SPSB1: variants seen among roughly 807,000 people sequenced by gnomAD.
SPSB1 encodes splA/ryanodine receptor domain and SOCS box containing 1.
In SPSB1, 8 loss-of-function variants were observed where a neutral mutation model predicts 21.2. The observed-to-expected ratio is 0.38, with a 90% CI of 0.22 to 0.68. The LOEUF is 0.68. Ranked by LOEUF, SPSB1 falls within the 30% of genes least tolerant of loss-of-function variation. The pLI is 0.53. For synonymous variants in SPSB1, 169 were observed against 161.7 expected (o/e 1.05, Z -0.34); for missense variants, 242 against 377.8 (o/e 0.64, Z 2.98).
intron 1 of SPSB1, among the ~76,000 whole-genome samples, chr1:9,330,673 C>G (rs1317139789): frequency 2.7e-5 from 4 of 150,108 alleles, no homozygotes; most frequent in African/African-American, 9.8e-5. Context: ...CCTTCCCAAA[C>G]TGATGTTAGA....
At chr1:9,311,756 A>G (rs1639524061) in intron 1 of SPSB1, among the ~76,000 whole-genome samples, 1 of 152,012 alleles carries the variant, frequency 6.6e-6, no homozygotes, top group Non-Finnish European at 1.5e-5. Flanking sequence ...ACGTGGCTTT[A>G]TCTACCACGT....
chr1:9,367,349 A>G lies in SPSB1; in HGVS notation c.695-99A>G, dbSNP rs1640591025. 2 of 1,559,508 alleles carry G rather than the reference A, an allele frequency of 1.3e-6. No homozygotes were observed. The highest frequency in any genetic ancestry group is 1.8e-6 in the Non-Finnish European group (2 of 1,140,334). On this transcript the variant is annotated intron_variant, in intron 2 of 2. Transcript: ENST00000328089. This position sits in a 1 kb window ranked among gnomAD's most constrained non-coding sequence, Gnocchi z 5.9. The stretch of plus-strand genomic sequence containing the variant: ...TTTTCATTGTTTCTTTACTGATTTG[A>G]GTGAATACTAATCAGTGATAATATT...
chr1:9,355,863 T>G lies in SPSB1; in HGVS notation c.-29T>G, dbSNP rs781548409. The stretch of plus-strand genomic sequence containing the variant: ...GAGATTGATGAGTTTGCCTTGGGAG[T>G]CGGTAAGAAGGTGAAGCCAGGGGCG... On this transcript the variant is annotated 5_prime_UTR_variant, in exon 2 of 3. Coordinates refer to ENST00000328089, the MANE Select transcript of SPSB1 (RefSeq NM_025106.4). 6 of 1,500,560 alleles carry G rather than the reference T, an allele frequency of 4.0e-6. No homozygotes were observed. Among genetic ancestry groups the G allele is most frequent in the Admixed American group, 2.2e-5 (1 of 44,796 alleles). The allele number at this position is 1,500,560 out of a possible 1,614,324, so 93.0% of individuals were successfully genotyped here.
At chr1:9,343,435 T>G (rs1557460260) in intron 1 of SPSB1, among the ~76,000 whole-genome samples, 2 of 152,256 alleles carry the variant, frequency 1.3e-5, no homozygotes, top group Non-Finnish European at 2.9e-5. Flanking sequence ...CATGCACTAG[T>G]ACTTTATGCC....
chr1:9,361,538 G>A (rs1006255952), intron 2 of SPSB1, among the ~76,000 whole-genome samples: 4 of 152,188 alleles, frequency 2.6e-5, no homozygotes, highest in African/African-American at 9.7e-5. Context: ...CTGCATGCCA[G>A]GCAGAACCCC....
At chr1:9,329,307 C>T (rs561323922) in intron 1 of SPSB1, among the ~76,000 whole-genome samples, 2 of 151,908 alleles carry the variant, frequency 1.3e-5, no homozygotes, top group Admixed American at 1.3e-4. Flanking sequence ...GACAGGTGGA[C>T]AGGCGGATGG....
In SPSB1 at chr1:9,293,390, G is replaced by A. The variant is rs901123986; in HGVS notation, c.-150+319G>A. On this transcript the variant is annotated intron_variant, in intron 1 of 2. Transcript: ENST00000328089. The surrounding 1 kb of genome is among the most constrained non-coding windows in gnomAD (Gnocchi z 5.1). ...GGGGTCTCGGGGCGCGGGGACCGTCGCAACGAGTTGCGGTCCCGAGGAGGG... is the reference window on the plus strand; with the variant it reads ...GGGGTCTCGGGGCGCGGGGACCGTCACAACGAGTTGCGGTCCCGAGGAGGG... Among the ~76,000 whole-genome samples, 2 of 151,406 alleles carry A rather than the reference G, an allele frequency of 1.3e-5. No homozygotes were observed. The highest frequency in any genetic ancestry group is 3.0e-5 in the Non-Finnish European group (2 of 67,700).
intron 1 of SPSB1, among the ~76,000 whole-genome samples, chr1:9,297,780 A>T (rs192306089): frequency 7.9e-5 from 12 of 152,224 alleles, no homozygotes; most frequent in Non-Finnish European, 5.9e-5. Context: ...CTTAGGTTTC[A>T]TGTAGAGTTA....
intron 2 of SPSB1, among the ~76,000 whole-genome samples, chr1:9,366,730 C>T (rs761402723): frequency 1.3e-5 from 2 of 152,126 alleles, no homozygotes; most frequent in East Asian, 1.9e-4. Flanking sequence ...CACACCACCA[C>T]GCCCAACTAA....
chr1:9,295,250 G>A (rs1156626564), intron 1 of SPSB1, among the ~76,000 whole-genome samples: 3 of 151,724 alleles, frequency 2.0e-5, no homozygotes, highest in Admixed American at 1.3e-4. Flanking sequence ...GTGCGCGCGT[G>A]CGGTTGGGGA....
intron 1 of SPSB1, among the ~76,000 whole-genome samples, chr1:9,331,321 GT>G (rs34199175): frequency 0.04 from 2,145 of 53,632 alleles, 11 homozygotes; most frequent in Non-Finnish European, 0.043. Flanking sequence ...TGGTGCTCTT[GT>G]TTTTTTTTTT....
At chr1:9,302,990 A>AGACACAACAGTGATTCCATTGAACGGG (rs1639359585) in intron 1 of SPSB1, among the ~76,000 whole-genome samples, 2 of 152,148 alleles carry the variant, frequency 1.3e-5, no homozygotes, top group Non-Finnish European at 2.9e-5. Context: ...TCCTACCAGG[A>AGACACAACAGTGATTCCATTGAACGGG]GACACAACAG....
chr1:9,367,328 C>T lies in SPSB1; in HGVS notation c.695-120C>T. 1 of 1,539,642 alleles carries T rather than the reference C, an allele frequency of 6.5e-7. No homozygotes were observed. On this transcript the variant is annotated intron_variant, in intron 2 of 2. Transcript: ENST00000328089. The surrounding 1 kb of genome is among the most constrained non-coding windows in gnomAD (Gnocchi z 5.9). ...TAAAATGAAAAAGCATTGCATTTTTCATTGTTTCTTTACTGATTTGAGTGA... is the reference window on the plus strand; with the variant it reads ...TAAAATGAAAAAGCATTGCATTTTTTATTGTTTCTTTACTGATTTGAGTGA...
chr1:9,293,923 GGT>G lies in SPSB1; in HGVS notation c.-150+862_-150+863del, dbSNP rs1003216349. Among the ~76,000 whole-genome samples, 54 of 151,912 alleles carry G rather than the reference GGT, an allele frequency of 3.6e-4. No homozygotes were observed. The highest frequency in any genetic ancestry group is 1.0e-3 in the African/African-American group (43 of 41,418). ...ATGAGTGTGTCTGTGTGTTCATGTG[GGT>G]GTGTGTGTGAGTGTGTCTCTAAGTG... On this transcript the variant is annotated intron_variant, in intron 1 of 2. Transcript: ENST00000328089. This position sits in a 1 kb window ranked among gnomAD's most constrained non-coding sequence, Gnocchi z 5.1.
chr1:9,307,094 A>G (rs932743785), intron 1 of SPSB1, among the ~76,000 whole-genome samples: 1 of 151,316 alleles, frequency 6.6e-6, no homozygotes, highest in Non-Finnish European at 1.5e-5. Flanking sequence ...CGCCTGGCTA[A>G]TTTTTGTATT....
At chr1:9,311,133 G>A (rs1639513306) in intron 1 of SPSB1, among the ~76,000 whole-genome samples, 1 of 151,080 alleles carries the variant, frequency 6.6e-6, no homozygotes, top group Non-Finnish European at 1.5e-5. Context: ...CCACTCTCAG[G>A]GGTGTCTAGA....
Position 9,356,260 on chromosome 1 carries a change from C to T in SPSB1, c.369C>T (p.Pro123=), listed in dbSNP as rs367893327. The change falls in exon 2 of 3, where the codon CCC becomes CCT. Residue 123 remains proline (P), a synonymous_variant. Transcript: ENST00000328089. This position sits in a 1 kb window ranked among gnomAD's most constrained non-coding sequence, Gnocchi z 7.4. ...TGGGGGTGGCGACGGCAGACGCCCC[C>T]CTGCACTCTGTCGGGTACACAACCC... ...AVVGVATADA[P]LHSVGYTTLV... is the part of the protein sequence containing the mutation. 4 of 1,612,342 alleles carry T rather than the reference C, an allele frequency of 2.5e-6. No individual in the cohort carries two copies. Among genetic ancestry groups the T allele is most frequent in the Non-Finnish European group, 3.4e-6 (4 of 1,179,258 alleles).
intron 1 of SPSB1, among the ~76,000 whole-genome samples, chr1:9,296,098 G>A (rs1557442416): frequency 6.6e-6 from 1 of 152,104 alleles, no homozygotes; most frequent in Non-Finnish European, 1.5e-5. Flanking sequence ...CAGGTGCCCG[G>A]CTCTGTGCTA....
rs1640208197 is a variant in SPSB1, at chr1:9,348,979, G to A, written c.-149-6764G>A. Among the ~76,000 whole-genome samples, 1 of 152,076 alleles carries A rather than the reference G, an allele frequency of 6.6e-6. No individual in the cohort carries two copies. The highest frequency in any genetic ancestry group is 6.5e-5 in the Admixed American group (1 of 15,276). On this transcript the variant is annotated intron_variant, in intron 1 of 2. Transcript: ENST00000328089. This position sits in a 1 kb window ranked among gnomAD's most constrained non-coding sequence, Gnocchi z 4.8. ...TGTGTGTGTGTATATGTGCGTGTGT[G>A]CACGTGCATGTGTGTGTGTAGTGGT...
Sources: allele counts gnomAD v4.1 joint callset (sites outside exome capture counted in the v4.1 genomes callset), GRCh38; gene constraint gnomAD v4.1.1; non-coding constraint Gnocchi (gnomAD v3.1); transcripts MANE v1.5; gene names NCBI Gene and HGNC (gene_info 2026-07-23, HGNC 2026-07-21).